The following PPIL2 variants were observed in gnomAD, a reference collection of about 807,000 sequenced individuals.
PPIL2 encodes peptidylprolyl isomerase like 2.
In PPIL2, 50 loss-of-function variants were observed where a neutral mutation model predicts 75.2. The observed-to-expected ratio is 0.66, with a 90% CI of 0.53 to 0.84. The LOEUF (loss-of-function observed/expected upper bound fraction) is 0.84. PPIL2 is among the 40% of genes least tolerant of loss of function. PPIL2 has a pLI of 0.00. For missense variants in PPIL2, 590 were observed against 685.0 expected, an observed-to-expected ratio of 0.86 and a Z score of 1.55; for synonymous variants, 245 against 258.8, an observed-to-expected ratio of 0.95 and a Z score of 0.51.
At chr22:21,698,492 TCC>T (rs2068023490), downstream of PPIL2, 2 of 152,326 alleles carry the variant, frequency 1.3e-5, no homozygotes, top group Non-Finnish European at 2.9e-5. Flanking sequence ...GACTTGGCTG[TCC>T]TCGCACCCGT....
chr22:21,692,366 G>A (rs560422745), intron 15 of PPIL2, among the ~76,000 whole-genome samples: 114 of 151,430 alleles, frequency 7.5e-4, no homozygotes, highest in Admixed American at 4.1e-3. Flanking sequence ...GTGTTAGCGA[G>A]GATGGTCTCG....
intron 6 of PPIL2, among the ~76,000 whole-genome samples, chr22:21,675,926 C>T (rs76785203): frequency 6.6e-5 from 10 of 152,202 alleles, no homozygotes; most frequent in East Asian, 1.9e-4. Flanking sequence ...GCCAGAGGCC[C>T]GGATGAGTTG....
At chr22:21,667,234 G>A (rs554547358) in intron 1 of PPIL2, among the ~76,000 whole-genome samples, 13 of 140,038 alleles carry the variant, frequency 9.3e-5, no homozygotes, top group African/African-American at 2.9e-4. Context: ...TTGGCTCACC[G>A]CAACCTCCGC....
In PPIL2 at chr22:21,666,021, G is replaced by A; in HGVS notation, c.-79G>A. ...CGCCGCGGAACCCGGAAGTGGTCAC[G>A]GAACTCGGCTGCGGCTCCATGGTCT... On this transcript the variant is annotated 5_prime_UTR_variant, in exon 1 of 20. Coordinates refer to ENST00000398831, the MANE Select transcript of PPIL2 (RefSeq NM_014337.4). 6.5e-7 allele frequency: 1 copy of A among 1,529,732 alleles called. No homozygotes were observed. Among genetic ancestry groups the A allele is most frequent in the Non-Finnish European group, 8.9e-7 (1 of 1,124,548 alleles). The allele number at this position is 1,529,732 out of a possible 1,614,324, so 94.8% of individuals were successfully genotyped here. A position where few individuals can be genotyped will look rare whatever the true frequency, so the allele number is the denominator to read the frequency against.
chr22:21,670,122 T>C (rs2066574749), intron 2 of PPIL2, 160 bp downstream of exon 2: 3 of 885,986 alleles, frequency 3.4e-6, no homozygotes, highest in Non-Finnish European at 5.2e-6. Context: ...ATACTCAAGA[T>C]AGAAGAACCT....
At chr22:21,670,896 C>T in intron 3 of PPIL2, 101 bp from the exon 4 acceptor site, 1 of 1,198,920 alleles carries the variant, frequency 8.3e-7, no homozygotes. Context: ...AGAGAGGGCT[C>T]CCTGGGACAG....
intron 19 of PPIL2, 68 bp from the exon 20 acceptor site, chr22:21,695,326 G>T: frequency 6.6e-7 from 1 of 1,520,648 alleles, no homozygotes; most frequent in Non-Finnish European, 8.9e-7. Flanking sequence ...AGGGCTGTAT[G>T]GAGACACAGA....
chr22:21,686,409 C>T, intron 10 of PPIL2, 74 bp from the exon 11 acceptor site: 1 of 1,449,272 alleles, frequency 6.9e-7, no homozygotes, highest in South Asian at 1.1e-5. Context: ...TGGTTGGCTT[C>T]TAGGCAAGCG....
At chr22:21,670,831 C>T (rs761285040) in intron 3 of PPIL2, 166 bp from the exon 4 acceptor site, 1 of 865,104 alleles carries the variant, frequency 1.2e-6, no homozygotes, top group Non-Finnish European at 1.9e-6. Context: ...GTGGCACAAA[C>T]ACTATTGTAG....
At position 21,684,785 on chromosome 22, in the gene PPIL2, TATC is replaced by T; in HGVS notation, c.587_589del (p.Tyr196del). 1 of 1,614,078 alleles carries T rather than the reference TATC, an allele frequency of 6.2e-7. No homozygotes were observed. Among genetic ancestry groups the T allele is most frequent in the Non-Finnish European group, 8.5e-7 (1 of 1,180,014 alleles). On this transcript the variant is annotated inframe_deletion, in exon 10 of 20. Coordinates refer to ENST00000398831, the MANE Select transcript of PPIL2 (RefSeq NM_014337.4). ...GAAGGCCAAACAGGACCCGTCTTAT[TATC>T]TGAAAAATACAAATGCCGAGACCCG...
intron 8 of PPIL2, among the ~76,000 whole-genome samples, chr22:21,682,939 T>G (rs958457049): frequency 6.6e-6 from 1 of 152,208 alleles, no homozygotes; most frequent in African/African-American, 2.4e-5. Flanking sequence ...GCCATGTGCC[T>G]GGAGGAAGGT....
At chr22:21,685,843 T>TAATGTG (rs2067337077) in intron 10 of PPIL2, 4 of 351,732 alleles carry the variant, frequency 1.1e-5, no homozygotes, top group South Asian at 8.8e-5. Flanking sequence ...ATTAAATATG[T>TAATGTG]AATGTGTTTA....
At chr22:21,695,238 G>A (rs1347613614) in intron 19 of PPIL2, 156 bp from the exon 20 acceptor site, 48 of 1,324,562 alleles carry the variant, frequency 3.6e-5, no homozygotes, top group African/African-American at 4.4e-5. Context: ...AGGCCTGGCC[G>A]GGGCCTCTGT....
chr22:21,691,820 AG>A (rs1267896611), intron 15 of PPIL2, among the ~76,000 whole-genome samples: 1 of 152,204 alleles, frequency 6.6e-6, no homozygotes, highest in East Asian at 1.9e-4. Context: ...AACTGCTTGC[AG>A]GTCAGAGCTC....
At chr22:21,689,410 A>T (rs573571927) in intron 15 of PPIL2, among the ~76,000 whole-genome samples, 1 of 152,292 alleles carries the variant, frequency 6.6e-6, no homozygotes, top group South Asian at 2.1e-4. Context: ...TTTTCTTCAC[A>T]TGGGTCCTGT....
At chr22:21,675,943 C>T (rs2066823460) in intron 6 of PPIL2, among the ~76,000 whole-genome samples, 1 of 152,348 alleles carries the variant, frequency 6.6e-6, no homozygotes, top group East Asian at 1.9e-4. Flanking sequence ...GTTGTGCAGC[C>T]CACCCCTGCC....
rs938699990 is a variant in PPIL2 at position 21,695,313 on chromosome 22, G to A, written c.1467-81G>A. 1.9e-5 allele frequency: 28 copies of A among 1,485,916 alleles called. 1 individual carries two copies. Among genetic ancestry groups the A allele is most frequent in the South Asian group, 1.7e-4 (14 of 81,406 alleles). 92.0% of individuals were successfully genotyped at this position (1,485,916 alleles called of 1,614,324 possible). ...AGGTGGGAGGGGTTGGGCCTACACC[G>A]GGAGGGCTGTATGGAGACACAGACA... On this transcript the variant is annotated intron_variant, in intron 19 of 19. Transcript: ENST00000398831.
chr22:21,688,559 G>A (rs1466508252), intron 14 of PPIL2, among the ~76,000 whole-genome samples, 173 bp from the exon 15 acceptor site: 1 of 152,158 alleles, frequency 6.6e-6, no homozygotes. Flanking sequence ...GGAGGCGTGG[G>A]GGCTCCAAGG....
chr22:21,689,007 G>C (rs2067504013), intron 15 of PPIL2, among the ~76,000 whole-genome samples, 158 bp downstream of exon 15: 1 of 152,212 alleles, frequency 6.6e-6, no homozygotes, highest in Admixed American at 6.5e-5. Flanking sequence ...CGTTCAAAAG[G>C]GGGTCCCCAG....
Sources: allele counts gnomAD v4.1 joint callset (sites outside exome capture counted in the v4.1 genomes callset), GRCh38; gene constraint gnomAD v4.1.1; transcripts MANE v1.5; gene names NCBI Gene and HGNC (gene_info 2026-07-23, HGNC 2026-07-21).